RBFOX1: variants seen among roughly 807,000 people sequenced by gnomAD.
The protein encoded by RBFOX1 is RNA binding protein fox-1 homolog 1.
A neutral mutation model predicts 57.7 loss-of-function variants in RBFOX1; 8 were observed. That is an observed-to-expected ratio of 0.14 (90% CI 0.08 to 0.25). RBFOX1 has a LOEUF of 0.25. Ranked by LOEUF, RBFOX1 falls within the 10% of genes least tolerant of loss-of-function variation. The probability of loss-of-function intolerance (pLI) is 1.00; values close to 1 mark genes in which losing one functional copy is unlikely to be tolerated. For missense variants in RBFOX1, 611 were observed against 548.5 expected, an observed-to-expected ratio of 1.11 and a Z score of -1.14; for synonymous variants, 326 against 222.4, an observed-to-expected ratio of 1.47 and a Z score of -4.15.
intron 3 of RBFOX1, among the ~76,000 whole-genome samples, chr16:6,849,759 C>G (rs1168407998): frequency 6.6e-6 from 1 of 152,174 alleles, no homozygotes; most frequent in Admixed American, 6.5e-5. Flanking sequence ...TCCCTAAGAC[C>G]CAGTACAAAT....
chr16:6,083,302 C>A (rs1027235794), intron 1 of RBFOX1, among the ~76,000 whole-genome samples: 1 of 152,016 alleles, frequency 6.6e-6, no homozygotes, highest in African/African-American at 2.4e-5. Flanking sequence ...TGCTCCCAGC[C>A]CAAATGTTTT....
chr16:5,484,957 T>C (rs560626750), intron 2 of RBFOX1, among the ~76,000 whole-genome samples: 1 of 149,592 alleles, frequency 6.7e-6, no homozygotes, highest in Admixed American at 6.7e-5. Context: ...TACTTGGGAG[T>C]CTGAAGCAAG....
chr16:7,384,942 C>G (rs1234507602), intron 4 of RBFOX1, among the ~76,000 whole-genome samples: 2 of 152,168 alleles, frequency 1.3e-5, no homozygotes, highest in Non-Finnish European at 2.9e-5. Context: ...GTGGGGAGCT[C>G]TAGAAAGGCT....
At chr16:7,541,088 G>C (rs1019329441) in intron 5 of RBFOX1, among the ~76,000 whole-genome samples, 5 of 152,160 alleles carry the variant, frequency 3.3e-5, no homozygotes, top group African/African-American at 9.7e-5. Flanking sequence ...GAAATCCAAG[G>C]CTTGTGCAGT....
chr16:6,288,645 A>T (rs1372196099), intron 1 of RBFOX1, among the ~76,000 whole-genome samples: 2 of 152,114 alleles, frequency 1.3e-5, no homozygotes, highest in Non-Finnish European at 2.9e-5. Flanking sequence ...TGCAAAATTG[A>T]GATTTAAACC....
chr16:6,109,426 A>G (rs1237120007), intron 1 of RBFOX1, among the ~76,000 whole-genome samples: 1 of 152,126 alleles, frequency 6.6e-6, no homozygotes, highest in Non-Finnish European at 1.5e-5. Flanking sequence ...TATTCCCTGA[A>G]AAGCCTTTCT....
chr16:5,996,449 G>T (rs1310851757), intron 4 of RBFOX1, among the ~76,000 whole-genome samples: 3 of 80,462 alleles, frequency 3.7e-5, no homozygotes, highest in African/African-American at 1.8e-4. Context: ...AGGTGTGAGG[G>T]TGATTTTTTT....
At chr16:6,617,613 C>G (rs138968081) in intron 2 of RBFOX1, among the ~76,000 whole-genome samples, 6 of 152,206 alleles carry the variant, frequency 3.9e-5, no homozygotes, top group East Asian at 2.0e-4. Context: ...CAAAGATTTA[C>G]TAAATGCTTT....
intron 3 of RBFOX1, among the ~76,000 whole-genome samples, chr16:7,038,574 A>G (rs1568481089): frequency 2.0e-5 from 3 of 152,174 alleles, no homozygotes; most frequent in Non-Finnish European, 4.4e-5. Context: ...TAGCTTGTAA[A>G]GGTGCTTACA....
At chr16:7,109,088 G>A (rs1370615552) in intron 4 of RBFOX1, among the ~76,000 whole-genome samples, 1 of 152,140 alleles carries the variant, frequency 6.6e-6, no homozygotes, top group Non-Finnish European at 1.5e-5. Context: ...GAGCAGGGGA[G>A]TGAGGATGGA....
chr16:5,883,821 A>G (rs2057828181), intron 4 of RBFOX1, among the ~76,000 whole-genome samples: 1 of 152,168 alleles, frequency 6.6e-6, no homozygotes, highest in African/African-American at 2.4e-5. Flanking sequence ...TTTTATGAAA[A>G]TGGTTTCTTT....
chr16:5,920,347 A>T (rs930112456), intron 4 of RBFOX1, among the ~76,000 whole-genome samples: 1 of 151,480 alleles, frequency 6.6e-6, no homozygotes, highest in Non-Finnish European at 1.5e-5. Context: ...TTGTTTATTC[A>T]CTCATCGGTG....
chr16:5,650,422 G>A (rs935440393), intron 3 of RBFOX1, among the ~76,000 whole-genome samples: 9 of 152,168 alleles, frequency 5.9e-5, no homozygotes, highest in Non-Finnish European at 1.3e-4. Context: ...GTGCGGGAGA[G>A]GCAACCTGGA....
At chr16:6,363,952 T>TA (rs1433499704) in intron 2 of RBFOX1, among the ~76,000 whole-genome samples, 2 of 152,084 alleles carry the variant, frequency 1.3e-5, no homozygotes, top group African/African-American at 2.4e-5. Context: ...AAAGAAAATA[T>TA]AAAAAAATTG....
chr16:6,972,175 G>A lies in RBFOX1; in HGVS notation c.-15-79882G>A, dbSNP rs190142007. ...CAGTAGTGTTCAGTATATTCACGTT[G>A]TTGTGATAGAGATCACGAAAGCTTT... On this transcript the variant is annotated intron_variant, in intron 3 of 15. Transcript: ENST00000550418. Among the ~76,000 whole-genome samples, 402 of 151,558 alleles carry A rather than the reference G, an allele frequency of 2.7e-3. 4 individuals are homozygous for A. Among genetic ancestry groups the A allele is most frequent in the African/African-American group, 9.6e-3 (395 of 41,282 alleles).
At chr16:5,842,780 A>G (rs1252274553) in intron 3 of RBFOX1, among the ~76,000 whole-genome samples, 3 of 151,870 alleles carry the variant, frequency 2.0e-5, no homozygotes, top group African/African-American at 4.8e-5. Context: ...CTGTGTACCA[A>G]TCGCTTTGAC....
intron 2 of RBFOX1, among the ~76,000 whole-genome samples, chr16:6,444,682 G>T (rs531852894): frequency 1.3e-5 from 2 of 152,034 alleles, no homozygotes; most frequent in South Asian, 2.1e-4. Flanking sequence ...GGGTTAAAAT[G>T]GACTAATACA....
chr16:6,711,426 A>C (rs549449586), intron 3 of RBFOX1, among the ~76,000 whole-genome samples: 4 of 152,194 alleles, frequency 2.6e-5, no homozygotes, highest in African/African-American at 9.6e-5. Context: ...TCCCCACTCA[A>C]ATCTCATCTT....
chr16:5,483,922 G>C (rs776188548), intron 2 of RBFOX1, among the ~76,000 whole-genome samples: 6 of 150,150 alleles, frequency 4.0e-5, no homozygotes, highest in Non-Finnish European at 9.0e-5. Flanking sequence ...TGTGATCCCA[G>C]CACTTTGAGA....
Sources: allele counts gnomAD v4.1 joint callset (sites outside exome capture counted in the v4.1 genomes callset), GRCh38; gene constraint gnomAD v4.1.1; transcripts MANE v1.5; gene names NCBI Gene and HGNC (gene_info 2026-07-23, HGNC 2026-07-21).